The following C12orf42 variants were observed in gnomAD, a reference collection of about 807,000 sequenced individuals.
The protein encoded by C12orf42 is chromosome 12 open reading frame 42.
C12orf42 carries 25 observed loss-of-function variants against 21.6 expected under a neutral mutation model. The ratio of observed to expected loss-of-function variants is 1.16; its 90% CI spans 0.84 to 1.62. C12orf42 has a LOEUF of 1.62. C12orf42 is among the 40% of genes most tolerant of loss of function. C12orf42 has a pLI of 0.00. For missense variants in C12orf42, 483 were observed against 459.3 expected (o/e 1.05, Z -0.47); for synonymous variants, 174 against 175.0 (o/e 0.99, Z 0.05).
At chr12:103,248,155 T>C (rs2034104040) in intron 10 of C12orf42, among the ~76,000 whole-genome samples, 1 of 152,030 alleles carries the variant, frequency 6.6e-6, no homozygotes, top group South Asian at 2.1e-4. Context: ...TTCCTTTGAG[T>C]TGTAAATTTG....
rs2037681736 is a variant in C12orf42 at position 103,301,967 on chromosome 12, T to G, written c.*141A>C. 2 of 977,454 alleles carry G rather than the reference T, an allele frequency of 2.0e-6. No individual in the cohort carries two copies. Among genetic ancestry groups the G allele is most frequent in the Middle Eastern group, 2.2e-4 (1 of 4,474 alleles). The allele number at this position is 977,454 out of a possible 1,614,324, so 60.5% of individuals were successfully genotyped here. A position where few individuals can be genotyped will look rare whatever the true frequency, so the allele number is the denominator to read the frequency against. ...TGGCTGCGCTAGGGACTTTTGACAT[T>G]ATTTATTAGGTTCAAAAATGCTTCA... On this transcript the variant is annotated 3_prime_UTR_variant, in exon 6 of 6. Coordinates refer to ENST00000548883, the MANE Select transcript of C12orf42 (RefSeq NM_198521.5).
At chr12:103,222,024 T>C in the C12orf42 span, among the ~76,000 whole-genome samples, 1 of 152,290 alleles carries the variant, frequency 6.6e-6, no homozygotes, top group East Asian at 1.9e-4. Flanking sequence ...ATCAACATGG[T>C]CCTGGGAGGT....
chr12:103,077,123 T>C, the C12orf42 span, among the ~76,000 whole-genome samples: 97 of 152,188 alleles, frequency 6.4e-4, no homozygotes, highest in Non-Finnish European at 1.2e-3. Context: ...ATTATTAAGG[T>C]TAATATGAAG....
At chr12:103,462,103 T>TTTTTTTTTTTTTTTG (rs1952764642) in intron 2 of C12orf42, among the ~76,000 whole-genome samples, 1 of 77,670 alleles carries the variant, frequency 1.3e-5, no homozygotes, top group Non-Finnish European at 2.6e-5. Flanking sequence ...TTGGTTTTTT[T>TTTTTTTTTTTTTTTG]TTTTTTTTTT....
chr12:103,407,504 AAT>A (rs1441258922), intron 2 of C12orf42, among the ~76,000 whole-genome samples: 1 of 152,128 alleles, frequency 6.6e-6, no homozygotes, highest in African/African-American at 2.4e-5. Flanking sequence ...ACAAATAGTA[AAT>A]ATATTTTCTC....
the C12orf42 span, among the ~76,000 whole-genome samples, chr12:103,092,206 T>C: frequency 6.6e-6 from 1 of 152,212 alleles, no homozygotes; most frequent in African/African-American, 2.4e-5. Context: ...TCTTAGTCAC[T>C]GGAGAACAGA....
At chr12:103,116,381 A>AAATATATATATATAT in the C12orf42 span, among the ~76,000 whole-genome samples, 38 of 136,690 alleles carry the variant, frequency 2.8e-4, no homozygotes, top group African/African-American at 1.0e-3. Flanking sequence ...AAAAAAAAAA[A>AAATATATATATATAT]ATATATATAT....
At chr12:103,146,725 AAAC>A in the C12orf42 span, among the ~76,000 whole-genome samples, 22 of 152,202 alleles carry the variant, frequency 1.4e-4, no homozygotes, top group African/African-American at 5.1e-4. Context: ...TAACAATTGA[AAAC>A]AACCTTATAT....
chr12:103,563,683 T>C, the C12orf42 span, among the ~76,000 whole-genome samples: 2 of 152,150 alleles, frequency 1.3e-5, no homozygotes, highest in African/African-American at 4.8e-5. Flanking sequence ...CAGCAGGTCA[T>C]GATCCACATG....
At chr12:103,306,742 G>T (rs566277161) in intron 4 of C12orf42, among the ~76,000 whole-genome samples, 47 of 152,214 alleles carry the variant, frequency 3.1e-4, no homozygotes, top group African/African-American at 1.1e-3. Context: ...ATATATTAAA[G>T]TCCTAACCCG....
intron 4 of C12orf42, among the ~76,000 whole-genome samples, chr12:103,294,583 G>GGAAGGAAGGAAGGAAAGAGAGAAA (rs1300203895): frequency 1.2e-5 from 1 of 80,280 alleles, no homozygotes; most frequent in Non-Finnish European, 2.4e-5. Flanking sequence ...AAGGAAGGAA[G>GGAAGGAAGGAAGGAAAGAGAGAAA]GAAAGAAAGA....
the C12orf42 span, among the ~76,000 whole-genome samples, chr12:103,153,395 T>C: frequency 6.6e-6 from 1 of 152,282 alleles, no homozygotes; most frequent in East Asian, 1.9e-4. Flanking sequence ...AAAGGCAACC[T>C]ACAGAGTGGG....
chr12:103,121,267 AG>A, the C12orf42 span, among the ~76,000 whole-genome samples: 1 of 152,220 alleles, frequency 6.6e-6, no homozygotes, highest in African/African-American at 2.4e-5. Flanking sequence ...TAAAAATAAA[AG>A]CTTAATTCTC....
chr12:103,165,845 A>T, the C12orf42 span, among the ~76,000 whole-genome samples: 1 of 152,124 alleles, frequency 6.6e-6, no homozygotes, highest in Non-Finnish European at 1.5e-5. Flanking sequence ...GTTCTAGACC[A>T]GCCTGGCCAA....
At chr12:103,303,826 C>T (rs2038002217) in intron 5 of C12orf42, among the ~76,000 whole-genome samples, 1 of 152,168 alleles carries the variant, frequency 6.6e-6, no homozygotes, top group Non-Finnish European at 1.5e-5. Context: ...TAAATGAAAA[C>T]TTTCAAGCAT....
At chr12:103,528,373 T>C in the C12orf42 span, among the ~76,000 whole-genome samples, 1 of 152,202 alleles carries the variant, frequency 6.6e-6, no homozygotes, top group Non-Finnish European at 1.5e-5. Context: ...GAAAATTCCT[T>C]TGCCTGATGC....
Position 103,418,887 on chromosome 12 carries a change from A to G in C12orf42, c.79-17212T>C, listed in dbSNP as rs769369119. Among the ~76,000 whole-genome samples, 36 of 147,940 alleles carry G rather than the reference A, an allele frequency of 2.4e-4. 1 individual carries two copies. Among genetic ancestry groups the G allele is most frequent in the Admixed American group, 4.7e-4 (7 of 14,810 alleles). On this transcript the variant is annotated intron_variant, in intron 2 of 5. Coordinates refer to ENST00000548883, the MANE Select transcript of C12orf42 (RefSeq NM_198521.5). ...ACAGTTCGCTTATCTTATATCTACT[A>G]TTGACAAAGGTCTGCACTTCTTTCC...
At chr12:103,406,850 A>C (rs909318383) in intron 2 of C12orf42, among the ~76,000 whole-genome samples, 2 of 152,192 alleles carry the variant, frequency 1.3e-5, no homozygotes. Context: ...AAAAGAAAAA[A>C]AAAATCCAGT....
intron 4 of C12orf42, among the ~76,000 whole-genome samples, chr12:103,317,834 C>T (rs2039669694): frequency 6.6e-6 from 1 of 152,012 alleles, no homozygotes; most frequent in South Asian, 2.1e-4. Flanking sequence ...CATATTACAA[C>T]TTAATATCAT....
Sources: gnomAD v4.1 joint callset for allele counts (sites outside exome capture counted in the v4.1 genomes callset) on GRCh38, gnomAD v4.1.1 for gene constraint, MANE v1.5 for transcripts, NCBI Gene and HGNC (gene_info 2026-07-23, HGNC 2026-07-21) for gene names.